The following KDELR3 variants were observed in gnomAD, a reference collection of about 807,000 sequenced individuals.
KDELR3 encodes the protein KDEL endoplasmic reticulum protein retention receptor 3, also known as ER lumen protein-retaining receptor 3.
Under a neutral mutation model 22.7 loss-of-function variants are expected in KDELR3, and 26 were observed. The ratio of observed to expected loss-of-function variants is 1.15; its 90% CI spans 0.84 to 1.59. The LOEUF (loss-of-function observed/expected upper bound fraction) is 1.59. KDELR3 is among the 40% of genes most tolerant of loss of function. The pLI, the probability that KDELR3 is intolerant of heterozygous loss-of-function variation, is 0.00. For synonymous variants in KDELR3, 120 were observed against 98.2 expected, an observed-to-expected ratio of 1.22 and a Z score of -1.31; for missense variants, 289 against 251.1, an observed-to-expected ratio of 1.15 and a Z score of -1.02.
At chr22:38,482,247 T>C (rs1340349812) in intron 4 of KDELR3, among the ~76,000 whole-genome samples, 3 of 152,158 alleles carry the variant, frequency 2.0e-5, no homozygotes, top group Admixed American at 6.6e-5. Flanking sequence ...GCTGATTTGA[T>C]TGTATGAGAT....
At chr22:38,478,472 T>C (rs2089574688) in intron 2 of KDELR3, among the ~76,000 whole-genome samples, 1 of 140,400 alleles carries the variant, frequency 7.1e-6, no homozygotes. Flanking sequence ...GAGGCGGAGG[T>C]TGCAGTGAGA....
Position 38,474,768 on chromosome 22 carries a change from C to T in KDELR3, c.192+145C>T. 4.6e-6 allele frequency: 3 copies of T among 654,602 alleles called. No homozygotes were observed. In the South Asian group the frequency reaches 5.4e-5, roughly 12 times the overall value. 40.5% of individuals were successfully genotyped at this position (654,602 alleles called of 1,614,324 possible). On this transcript the variant is annotated intron_variant, in intron 2 of 4. Coordinates refer to ENST00000216014, the MANE Select transcript of KDELR3 (RefSeq NM_006855.4). Reference sequence around the variant, plus strand: ...CTGCTTAGTGGCTGCAAGACCTCATCTTGGGCCTCTTTGTATGTCAGTGTC... The same window carrying T: ...CTGCTTAGTGGCTGCAAGACCTCATTTTGGGCCTCTTTGTATGTCAGTGTC...
intron 3 of KDELR3, among the ~76,000 whole-genome samples, chr22:38,480,341 A>G (rs551030527): frequency 9.2e-5 from 14 of 152,012 alleles, no homozygotes; most frequent in African/African-American, 2.9e-4. Flanking sequence ...ACGGGGTTTC[A>G]CCATGTTGGC....
In KDELR3 at chr22:38,482,781, C is replaced by A. The variant is rs537343612; in HGVS notation, c.*245C>A. ...GCACAAAGATGGTGCCTCACTGCAACAAGAAACCTTAAGGTGTCTTACCGA... is the reference window on the plus strand; with the variant it reads ...GCACAAAGATGGTGCCTCACTGCAAAAAGAAACCTTAAGGTGTCTTACCGA... On this transcript the variant is annotated 3_prime_UTR_variant, in exon 5 of 5. Coordinates refer to ENST00000216014, the MANE Select transcript of KDELR3 (RefSeq NM_006855.4). 1,055 of 519,876 alleles carry A rather than the reference C, an allele frequency of 2.0e-3. 4 individuals carry two copies. Among genetic ancestry groups the A allele is most frequent in the Non-Finnish European group, 2.5e-3 (728 of 294,554 alleles). 32.2% of individuals were successfully genotyped at this position (519,876 alleles called of 1,614,324 possible).
chr22:38,469,661 T>A (rs1440955364), intron 1 of KDELR3, among the ~76,000 whole-genome samples: 1 of 152,080 alleles, frequency 6.6e-6, no homozygotes, highest in African/African-American at 2.4e-5. Context: ...AGCTCCAACC[T>A]CTTCCTGCAC....
chr22:38,474,651 G>A (rs1231987648), intron 2 of KDELR3, 28 bp downstream of exon 2: 2 of 1,567,966 alleles, frequency 1.3e-6, no homozygotes, highest in Non-Finnish European at 1.8e-6. Context: ...GATGGTTGGG[G>A]GAAGCCACCA....
intron 4 of KDELR3, 84 bp downstream of exon 4, chr22:38,481,548 TG>T: frequency 6.3e-7 from 1 of 1,589,636 alleles, no homozygotes; most frequent in Non-Finnish European, 8.6e-7. Flanking sequence ...GATACAGATG[TG>T]AACAGTCAAG....
intron 1 of KDELR3, among the ~76,000 whole-genome samples, chr22:38,469,874 C>T (rs566067388): frequency 5.9e-5 from 9 of 152,336 alleles, no homozygotes; most frequent in Non-Finnish European, 1.2e-4. Flanking sequence ...AGCTGAAGTA[C>T]TGTGGTGTGA....
chr22:38,481,156 A>T, intron 3 of KDELR3, 56 bp from the exon 4 acceptor site: 1 of 1,454,082 alleles, frequency 6.9e-7, no homozygotes, highest in Non-Finnish European at 9.4e-7. Context: ...ATGTTCTTTT[A>T]AGATGGGCCT....
At chr22:38,472,347 G>T (rs963128565) in intron 1 of KDELR3, among the ~76,000 whole-genome samples, 1 of 151,852 alleles carries the variant, frequency 6.6e-6, no homozygotes, top group Non-Finnish European at 1.5e-5. Context: ...CATGATGGTG[G>T]GCGCCTGTAA....
At chr22:38,470,339 G>A (rs1303340408) in intron 1 of KDELR3, among the ~76,000 whole-genome samples, 2 of 152,188 alleles carry the variant, frequency 1.3e-5, no homozygotes. Flanking sequence ...GGCCAGGCTG[G>A]TCTCGAACTC....
chr22:38,478,706 G>C (rs1377054415), intron 2 of KDELR3, among the ~76,000 whole-genome samples: 1 of 114,060 alleles, frequency 8.8e-6, no homozygotes, highest in Non-Finnish European at 1.7e-5. Flanking sequence ...ACAATGGCAT[G>C]ATCTCGGCTC....
At chr22:38,472,062 T>G (rs888925382) in intron 1 of KDELR3, among the ~76,000 whole-genome samples, 1 of 152,132 alleles carries the variant, frequency 6.6e-6, no homozygotes, top group Non-Finnish European at 1.5e-5. Flanking sequence ...AACCAGACCC[T>G]GAATTAGACA....
At chr22:38,475,487 A>G (rs1204147862) in intron 2 of KDELR3, among the ~76,000 whole-genome samples, 1 of 152,176 alleles carries the variant, frequency 6.6e-6, no homozygotes, top group Non-Finnish European at 1.5e-5. Flanking sequence ...CAAGAAAAAA[A>G]AAATTATTTA....
chr22:38,478,339 A>T (rs1190099283), intron 2 of KDELR3, among the ~76,000 whole-genome samples: 1 of 151,920 alleles, frequency 6.6e-6, no homozygotes, highest in African/African-American at 2.4e-5. Flanking sequence ...TGAGGTGAGG[A>T]GTTCGAGACA....
intron 2 of KDELR3, among the ~76,000 whole-genome samples, chr22:38,479,220 CAG>C (rs2089581483): frequency 6.6e-6 from 1 of 152,044 alleles, no homozygotes; most frequent in African/African-American, 2.4e-5. Flanking sequence ...GAAGAATGCT[CAG>C]AAGTCACTGA....
At chr22:38,469,735 G>A (rs1332458648) in intron 1 of KDELR3, among the ~76,000 whole-genome samples, 3 of 152,226 alleles carry the variant, frequency 2.0e-5, no homozygotes, top group African/African-American at 4.8e-5. Context: ...GTACCTGGCC[G>A]CTGTCTGCCA....
At chr22:38,474,246 G>C (rs1297179909) in intron 1 of KDELR3, 13 of 321,320 alleles carry the variant, frequency 4.0e-5, no homozygotes, top group Non-Finnish European at 5.8e-5. Flanking sequence ...AAGAGCCCAG[G>C]CAGGCACACG....
intron 2 of KDELR3, among the ~76,000 whole-genome samples, chr22:38,475,079 CAAAAAAAA>C (rs1018109138): frequency 9.8e-5 from 2 of 20,460 alleles, no homozygotes; most frequent in African/African-American, 1.3e-4. Context: ...GACTCTGTCT[CAAAAAAAA>C]AAAAAAAAAA....
Sources: allele counts gnomAD v4.1 joint callset (sites outside exome capture counted in the v4.1 genomes callset), GRCh38; gene constraint gnomAD v4.1.1; transcripts MANE v1.5; gene names NCBI Gene and HGNC (gene_info 2026-07-23, HGNC 2026-07-21).